Variants in RBFOX1 observed in about 807,000 individuals in gnomAD.
RBFOX1 encodes the protein RNA binding fox-1 homolog 1, also known as RNA binding protein fox-1 homolog 1.
A neutral mutation model predicts 57.7 loss-of-function variants in RBFOX1; 8 were observed. The ratio of observed to expected loss-of-function variants is 0.14; its 90% CI spans 0.08 to 0.25. The LOEUF is 0.25. RBFOX1 is among the 10% of genes least tolerant of loss of function. The pLI is 1.00. For synonymous variants in RBFOX1, 326 were observed against 222.4 expected (o/e 1.47, Z -4.15); for missense variants, 611 against 548.5 (o/e 1.11, Z -1.14).
chr16:6,816,205 G>A (rs1024487600), intron 3 of RBFOX1, among the ~76,000 whole-genome samples: 3 of 152,072 alleles, frequency 2.0e-5, no homozygotes, highest in Non-Finnish European at 4.4e-5. Context: ...CAGCTCCTTT[G>A]GAGACTGAGG....
At chr16:7,281,390 A>G (rs2095540595) in intron 4 of RBFOX1, among the ~76,000 whole-genome samples, 1 of 151,878 alleles carries the variant, frequency 6.6e-6, no homozygotes, top group South Asian at 2.1e-4. Flanking sequence ...TTATTGTATG[A>G]GAGCCAGGTG....
chr16:6,932,541 A>T (rs1388745452), intron 3 of RBFOX1, among the ~76,000 whole-genome samples: 1 of 152,026 alleles, frequency 6.6e-6, no homozygotes, highest in Non-Finnish European at 1.5e-5. Flanking sequence ...CAAGTGTCTC[A>T]CCTATATGGT....
At chr16:5,632,956 T>TTTTTTGG (rs2048563852) in intron 3 of RBFOX1, among the ~76,000 whole-genome samples, 1 of 150,502 alleles carries the variant, frequency 6.6e-6, no homozygotes, top group Admixed American at 6.6e-5. Flanking sequence ...TTTTTTTTTT[T>TTTTTTGG]GAGGTGGAGT....
intron 3 of RBFOX1, among the ~76,000 whole-genome samples, chr16:6,963,884 G>T (rs1212892583): frequency 6.6e-6 from 1 of 151,982 alleles, no homozygotes; most frequent in Non-Finnish European, 1.5e-5. Flanking sequence ...ATTTTTAGTA[G>T]AGATGGGATT....
intron 3 of RBFOX1, among the ~76,000 whole-genome samples, chr16:6,656,568 A>G (rs2098653838): frequency 6.7e-6 from 1 of 149,994 alleles, no homozygotes; most frequent in Non-Finnish European, 1.5e-5. Flanking sequence ...TGCATATGTG[A>G]TTTCAGCTCT....
chr16:7,697,110 C>G (rs559969569), intron 14 of RBFOX1, among the ~76,000 whole-genome samples: 2 of 152,132 alleles, frequency 1.3e-5, no homozygotes, highest in African/African-American at 4.8e-5. Flanking sequence ...GATAAGACTG[C>G]TTTGTGGAGA....
At chr16:6,332,515 G>A (rs183999427) in intron 2 of RBFOX1, among the ~76,000 whole-genome samples, 1 of 152,220 alleles carries the variant, frequency 6.6e-6, no homozygotes, top group East Asian at 1.9e-4. Flanking sequence ...ATGACTGACT[G>A]TGACGATAGC....
intron 1 of RBFOX1, among the ~76,000 whole-genome samples, chr16:6,117,974 A>G (rs2096515288): frequency 6.6e-6 from 1 of 152,200 alleles, no homozygotes; most frequent in South Asian, 2.1e-4. Context: ...CACAAGATGG[A>G]CATCTGTAAC....
intron 3 of RBFOX1, among the ~76,000 whole-genome samples, chr16:6,708,094 T>C (rs8047413): frequency 0.41 from 62,619 of 152,012 alleles, 14,018 homozygotes; most frequent in East Asian, 0.75. Flanking sequence ...GAAGCCACAG[T>C]GAACAGTTGG....
chr16:7,029,128 GTA>G (rs550570721), intron 3 of RBFOX1, among the ~76,000 whole-genome samples: 9,301 of 46,700 alleles, frequency 0.2, 1,626 homozygotes, highest in African/African-American at 0.33. Flanking sequence ...ACACATATAC[GTA>G]TATATATATG....
At chr16:6,635,561 G>A (rs866594921) in intron 2 of RBFOX1, among the ~76,000 whole-genome samples, 1 of 152,134 alleles carries the variant, frequency 6.6e-6, no homozygotes, top group Non-Finnish European at 1.5e-5. Flanking sequence ...AAAATAAAAA[G>A]AGGTATCAAT....
At chr16:6,877,423 A>C (rs943403756) in intron 3 of RBFOX1, among the ~76,000 whole-genome samples, 7 of 152,158 alleles carry the variant, frequency 4.6e-5, no homozygotes, top group African/African-American at 1.7e-4. Context: ...TTATTAAATC[A>C]CAGAGACAAG....
intron 3 of RBFOX1, among the ~76,000 whole-genome samples, chr16:6,742,478 A>G (rs2072476993): frequency 6.6e-6 from 1 of 152,174 alleles, no homozygotes; most frequent in Non-Finnish European, 1.5e-5. Context: ...ATTTCTGGAC[A>G]TTTATTCCAC....
At chr16:7,624,530 A>G (rs2059789037) in intron 10 of RBFOX1, among the ~76,000 whole-genome samples, 1 of 152,198 alleles carries the variant, frequency 6.6e-6, no homozygotes. Flanking sequence ...CAACAGATGT[A>G]CCCCAAAGCC....
chr16:6,960,690 T>G (rs2082779598), intron 3 of RBFOX1, among the ~76,000 whole-genome samples: 1 of 151,962 alleles, frequency 6.6e-6, no homozygotes, highest in South Asian at 2.1e-4. Flanking sequence ...GCATCTCCTG[T>G]CTCTGACGGG....
chr16:7,096,012 C>CAAAAA (rs71408498), intron 4 of RBFOX1, among the ~76,000 whole-genome samples: 22 of 111,416 alleles, frequency 2.0e-4, no homozygotes, highest in South Asian at 3.1e-4. Flanking sequence ...GACTCTGTCT[C>CAAAAA]AAAAAAAAAA....
intron 3 of RBFOX1, among the ~76,000 whole-genome samples, chr16:6,831,814 C>T (rs1044140053): frequency 1.3e-5 from 2 of 152,086 alleles, no homozygotes; most frequent in African/African-American, 4.8e-5. Flanking sequence ...AGACCCAGCA[C>T]TTGGGGAATT....
In RBFOX1 at chr16:7,711,606, T is replaced by C. The variant is rs936937453; in HGVS notation, c.*861T>C. ...AAAAAGCACTGTTTCTATTTTTTTC[T>C]TTTTTTCCAAAAAAAGAAAGTAATA... On this transcript the variant is annotated 3_prime_UTR_variant, in exon 16 of 16. Transcript: ENST00000550418. The C allele has an allele frequency of 1.3e-5, 2 of 152,476 alleles. No homozygotes were observed. The highest frequency in any genetic ancestry group is 4.8e-5 in the African/African-American group (2 of 41,416). 9.4% of individuals were successfully genotyped at this position (152,476 alleles called of 1,614,324 possible).
At chr16:6,666,612 C>T (rs557937589) in intron 3 of RBFOX1, among the ~76,000 whole-genome samples, 25 of 151,518 alleles carry the variant, frequency 1.6e-4, no homozygotes, top group East Asian at 5.8e-4. Context: ...GGGATTCAAA[C>T]CCAGGAAGTC....
Sources: gnomAD v4.1 joint callset for allele counts (sites outside exome capture counted in the v4.1 genomes callset) on GRCh38, gnomAD v4.1.1 for gene constraint, MANE v1.5 for transcripts, NCBI Gene and HGNC (gene_info 2026-07-23, HGNC 2026-07-21) for gene names.